KRT86: variants seen among roughly 807,000 people sequenced by gnomAD.
KRT86 encodes keratin 86.
In KRT86, 30 loss-of-function variants were observed where a neutral mutation model predicts 41.2. That is an observed-to-expected ratio of 0.73 (90% CI 0.54 to 0.99). The LOEUF is 0.99. Among genes scored for constraint, KRT86 ranks in the 50% least tolerant of loss-of-function variants. KRT86 has a pLI of 0.00. For synonymous variants in KRT86, 238 were observed against 238.1 expected, an observed-to-expected ratio of 1.00 and a Z score of 0.00; for missense variants, 561 against 571.4, an observed-to-expected ratio of 0.98 and a Z score of 0.19.
chr12:52,305,949 G>C (rs1938504662), intron 8 of KRT86, 111 bp from the exon 9 acceptor site: 1 of 1,567,814 alleles, frequency 6.4e-7, no homozygotes, highest in African/African-American at 1.4e-5. Flanking sequence ...ATGAAGGCAA[G>C]AGGCTCTGTT....
At chr12:52,304,852 A>G in intron 5 of KRT86, 80 bp from the exon 6 acceptor site, 6 of 1,485,328 alleles carry the variant, frequency 4.0e-6, no homozygotes, top group Admixed American at 1.7e-5. Flanking sequence ...CCCAGGCTTC[A>G]TGGAATGGGT....
rs776580728 is a variant in KRT86 at position 52,306,192 on chromosome 12, A to T, written c.1159A>T (p.Arg387Trp). The T allele has an allele frequency of 6.2e-7, 1 of 1,613,820 alleles. No individual in the cohort carries two copies. The highest frequency in any genetic ancestry group is 8.5e-7 in the Non-Finnish European group (1 of 1,180,012). Residue 387 changes from arginine (R) to tryptophan (W), a missense_variant, in exon 9 of 11, where the codon AGG (arginine) becomes TGG (tryptophan). Physicochemically the swap from Arg to Trp is moderately radical, Grantham distance 101. Coordinates refer to ENST00000423955, the MANE Select transcript of KRT86 (RefSeq NM_001320198.2). Reference sequence around the variant, plus strand: ...CAAGCAGGACATGGCCTGCCTGATCAGGGAGTACCAGGAGGTGATGAACTC... The same window carrying T: ...CAAGCAGGACATGGCCTGCCTGATCTGGGAGTACCAGGAGGTGATGAACTC... ...KAKQDMACLI[R>W]EYQEVMNSKL...
chr12:52,291,854 G>A (rs1163242831), intron 2 of KRT86, among the ~76,000 whole-genome samples: 1 of 152,136 alleles, frequency 6.6e-6, no homozygotes, highest in African/African-American at 2.4e-5. Context: ...GCGAGGGGAA[G>A]AGAAGGGAGG....
At chr12:52,291,505 G>C (rs1328544847) in intron 2 of KRT86, 2 of 1,608,882 alleles carry the variant, frequency 1.2e-6, no homozygotes, top group African/African-American at 2.7e-5. Context: ...ACAGGATAGG[G>C]GACCTGGAGT....
intron 2 of KRT86, chr12:52,286,979 A>T: frequency 6.4e-7 from 1 of 1,568,670 alleles, no homozygotes; most frequent in East Asian, 2.3e-5. Flanking sequence ...CCCTCCCCAC[A>T]CCGGAAGTGA....
intron 8 of KRT86, 96 bp downstream of exon 8, chr12:52,305,884 C>T: frequency 1.2e-6 from 2 of 1,606,854 alleles, no homozygotes; most frequent in Non-Finnish European, 1.7e-6. Flanking sequence ...CATTCATTCT[C>T]CAGCCCCTCT....
intron 6 of KRT86, 101 bp from the exon 7 acceptor site, chr12:52,305,139 G>C: frequency 1.2e-6 from 2 of 1,607,734 alleles, no homozygotes; most frequent in Non-Finnish European, 1.7e-6. Flanking sequence ...GCTGTGTGAG[G>C]GGGCAGGGTT....
chr12:52,300,168 G>T (rs1565746730), intron 2 of KRT86, among the ~76,000 whole-genome samples: 1 of 152,180 alleles, frequency 6.6e-6, no homozygotes, highest in African/African-American at 2.4e-5. Flanking sequence ...ACTATAATAA[G>T]AAATAATTTT....
chr12:52,275,404 T>C (rs927969346), intron 1 of KRT86, among the ~76,000 whole-genome samples: 1 of 151,906 alleles, frequency 6.6e-6, no homozygotes, highest in Non-Finnish European at 1.5e-5. Context: ...TTAAAATGTG[T>C]TTTTTAAATT....
intron 9 of KRT86, chr12:52,306,505 C>T (rs1292933914): frequency 1.4e-6 from 1 of 694,912 alleles, no homozygotes; most frequent in African/African-American, 1.8e-5. Flanking sequence ...CAGTTGAGAT[C>T]CAGTAATCTG....
chr12:52,306,177 A>T lies in KRT86; in HGVS notation c.1144A>T (p.Met382Leu). The T allele has an allele frequency of 1.7e-5, 27 of 1,613,848 alleles. No homozygotes were observed. Among genetic ancestry groups the T allele is most frequent in the Non-Finnish European group, 2.3e-5 (27 of 1,180,024 alleles). Reference protein sequence around the residue: ...EGALQKAKQDMACLIREYQEV... With the variant: ...EGALQKAKQDLACLIREYQEV... Reference sequence around the variant, plus strand: ...TGCCCTGCAGAAGGCCAAGCAGGACATGGCCTGCCTGATCAGGGAGTACCA... The same window carrying T: ...TGCCCTGCAGAAGGCCAAGCAGGACTTGGCCTGCCTGATCAGGGAGTACCA... The change falls in exon 9 of 11, where the codon ATG becomes TTG. Residue 382 changes from methionine (M) to leucine (L), a missense_variant. Coordinates refer to ENST00000423955, the MANE Select transcript of KRT86 (RefSeq NM_001320198.2).
chr12:52,287,615 A>T, intron 2 of KRT86: 1 of 1,613,820 alleles, frequency 6.2e-7, no homozygotes. Context: ...GGCATTCTCC[A>T]CCTCGGCCGT....
chr12:52,298,785 T>TTTTA lies in KRT86; in HGVS notation c.-4-3108_-4-3105dup, dbSNP rs201280460. Among the ~76,000 whole-genome samples the TTTTA allele has an allele frequency of 1.8e-3, 277 of 151,942 alleles. 2 individuals carry two copies. In the East Asian group the frequency reaches 0.019, roughly 10 times the overall value. Reference sequence around the variant, plus strand: ...AACTAATATGCCATGTATTCAAACTTTTTATTTATTTATTTATTTATTTTA... The same window carrying TTTTA: ...AACTAATATGCCATGTATTCAAACTTTTTATTTATTTATTTATTTATTTATTTTA... On this transcript the variant is annotated intron_variant, in intron 2 of 10. Coordinates refer to ENST00000423955, the MANE Select transcript of KRT86 (RefSeq NM_001320198.2).
chr12:52,288,554 G>T, intron 2 of KRT86: 2 of 1,362,444 alleles, frequency 1.5e-6, no homozygotes, highest in Non-Finnish European at 2.1e-6. Context: ...GGGGAAAGCA[G>T]TCCCTGGTGT....
chr12:52,286,521 T>C (rs954079925), intron 2 of KRT86: 5 of 1,548,746 alleles, frequency 3.2e-6, no homozygotes, highest in Admixed American at 3.9e-5. Flanking sequence ...TGAGTCAAAA[T>C]TCTGAAGGGC....
At chr12:52,301,716 A>T in intron 2 of KRT86, 197 bp from the exon 3 acceptor site, 2 of 979,384 alleles carry the variant, frequency 2.0e-6, no homozygotes, top group Non-Finnish European at 3.0e-6. Context: ...CCAATTAAGT[A>T]CATTAAGTGG....
rs1304515960 is a variant in KRT86 at position 52,306,640 on chromosome 12, C to G, written c.1247+360C>G. On this transcript the variant is annotated intron_variant, in intron 9 of 10. Transcript: ENST00000423955. ...CAGGATTCCTTCTCTTTTTCCTAGT[C>G]TGGCCCTGGCCCCATCTAGACCTGG... 7.3e-6 allele frequency: 3 copies of G among 409,248 alleles called. No homozygotes were observed. The Admixed American group carries it at 1.1e-4, about 15-fold the overall frequency. 25.4% of individuals were successfully genotyped at this position (409,248 alleles called of 1,614,324 possible).
chr12:52,274,672 G>C lies in KRT86; in HGVS notation c.-181G>C, dbSNP rs1676892790. 1.3e-5 allele frequency: 13 copies of C among 985,110 alleles called. No homozygotes were observed. The highest frequency in any genetic ancestry group is 1.6e-5 in the Non-Finnish European group (13 of 829,664). 61.0% of individuals were successfully genotyped at this position (985,110 alleles called of 1,614,324 possible). A position where few individuals can be genotyped will look rare whatever the true frequency, so the allele number is the denominator to read the frequency against. ...TCTGGTAGCTCTTGGGCTGAAGCTG[G>C]GCTTTGGTGCTCAAGAGAGGCTTGG... is the stretch of plus-strand genomic sequence containing the variant. On this transcript the variant is annotated 5_prime_UTR_variant, in exon 1 of 11. Transcript: ENST00000423955.
chr12:52,287,491 A>G (rs1382869024), intron 2 of KRT86: 16 of 1,606,098 alleles, frequency 1.0e-5, no homozygotes, highest in Admixed American at 8.5e-5. Flanking sequence ...TACATGGACA[A>G]AGGGGGTGGA....
Sources: gnomAD v4.1 joint callset for allele counts (sites outside exome capture counted in the v4.1 genomes callset) on GRCh38, gnomAD v4.1.1 for gene constraint, MANE v1.5 for transcripts, NCBI Gene and HGNC (gene_info 2026-07-23, HGNC 2026-07-21) for gene names.